The following METTL22 variants were observed in gnomAD, a reference collection of about 807,000 sequenced individuals.
The protein encoded by METTL22 is methyltransferase-like protein 22.
In METTL22, 51 loss-of-function variants were observed where a neutral mutation model predicts 48.4. That is an observed-to-expected ratio of 1.05 (90% CI 0.84 to 1.33). METTL22 has a LOEUF of 1.33. Ranked by LOEUF, METTL22 falls within the 40% of genes most tolerant of loss-of-function variation. The pLI, the probability that METTL22 is intolerant of heterozygous loss-of-function variation, is 0.00. For missense variants in METTL22, 678 were observed against 526.9 expected, an observed-to-expected ratio of 1.29 and a Z score of -2.81; for synonymous variants, 255 against 214.1, an observed-to-expected ratio of 1.19 and a Z score of -1.67.
At chr16:8,655,318 A>G in the METTL22 span, among the ~76,000 whole-genome samples, 1 of 152,206 alleles carries the variant, frequency 6.6e-6, no homozygotes, top group Non-Finnish European at 1.5e-5. Context: ...GGTTGGTGGC[A>G]GGATTCAGTT....
chr16:8,660,266 C>G, the METTL22 span, among the ~76,000 whole-genome samples: 2 of 152,030 alleles, frequency 1.3e-5, no homozygotes, highest in Non-Finnish European at 2.9e-5. Context: ...AGCCTCCGCC[C>G]TCTGGATTCA....
chr16:8,660,348 A>AT, the METTL22 span, among the ~76,000 whole-genome samples: 27 of 149,248 alleles, frequency 1.8e-4, no homozygotes, highest in Non-Finnish European at 2.4e-4. Context: ...TAATTTTTGT[A>AT]TTTTTTTTTA....
intron 5 of METTL22, among the ~76,000 whole-genome samples, chr16:8,638,609 C>G (rs572399498): frequency 6.6e-6 from 1 of 152,106 alleles, no homozygotes; most frequent in Non-Finnish European, 1.5e-5. Flanking sequence ...TCCTTCTGAC[C>G]GGAAAACTGG....
intron 9 of METTL22, 141 bp from the exon 10 acceptor site, chr16:8,644,416 C>T (rs2056718607): frequency 3.8e-6 from 3 of 784,146 alleles, no homozygotes; most frequent in Admixed American, 2.8e-5. Context: ...CACTCACACA[C>T]TCAGCATGAG....
chr16:8,651,499 G>A (rs57094936), downstream of METTL22, among the ~76,000 whole-genome samples: 2,547 of 152,030 alleles, frequency 0.017, 70 homozygotes, highest in African/African-American at 0.058. Flanking sequence ...AGAGTTTTTG[G>A]CTTGGCGGAA....
At chr16:8,646,009 T>C in intron 10 of METTL22, 99 bp from the exon 11 acceptor site, 2 of 1,562,940 alleles carry the variant, frequency 1.3e-6, no homozygotes, top group Non-Finnish European at 1.7e-6. Flanking sequence ...GCTGACGTGT[T>C]GTCTAACTAC....
At chr16:8,643,129 T>C (rs2141805496) in intron 9 of METTL22, among the ~76,000 whole-genome samples, 1 of 152,322 alleles carries the variant, frequency 6.6e-6, no homozygotes, top group African/African-American at 2.4e-5. Context: ...TTTCTGAAGA[T>C]CGTTCGGAAT....
intron 5 of METTL22, among the ~76,000 whole-genome samples, chr16:8,637,732 G>A (rs560851928): frequency 1.3e-5 from 2 of 152,226 alleles, no homozygotes; most frequent in Non-Finnish European, 2.9e-5. Flanking sequence ...GGATGCTGGG[G>A]AGAACGCACT....
intron 5 of METTL22, 120 bp downstream of exon 5, chr16:8,635,432 A>G (rs1409749401): frequency 9.4e-6 from 12 of 1,272,410 alleles, no homozygotes; most frequent in Non-Finnish European, 1.2e-5. Context: ...TGATTTTGCC[A>G]TCCTGGTCCC....
rs968717179 is a variant in METTL22 at position 8,629,116 on chromosome 16, T to C, written c.514+6T>C. The C allele has an allele frequency of 2.5e-6, 4 of 1,608,654 alleles. No individual in the cohort carries two copies. In the African/African-American group the frequency reaches 4.0e-5, roughly 16 times the overall value. ...GCACGATATCATCAGAATAGGTAAA[T>C]AGAGGTGTGATGTGGCCCACCTGTC... On this transcript the variant is annotated splice_donor_region_variant and intron_variant, in intron 3 of 10. Coordinates refer to ENST00000381920, the MANE Select transcript of METTL22 (RefSeq NM_024109.4).
chr16:8,640,882 G>GTGGGTGGT (rs2056582632), intron 6 of METTL22, among the ~76,000 whole-genome samples: 1 of 19,348 alleles, frequency 5.2e-5, no homozygotes, highest in Non-Finnish European at 9.3e-5. Flanking sequence ...GGGCAGGTGG[G>GTGGGTGGT]TGGGTGGGTG....
At chr16:8,663,256 C>G in the METTL22 span, among the ~76,000 whole-genome samples, 2 of 149,502 alleles carry the variant, frequency 1.3e-5, no homozygotes, top group African/African-American at 4.9e-5. Context: ...CATCATCTCC[C>G]TATTATTATT....
At chr16:8,636,000 G>A (rs1004721710) in intron 5 of METTL22, among the ~76,000 whole-genome samples, 5 of 152,098 alleles carry the variant, frequency 3.3e-5, no homozygotes, top group Non-Finnish European at 7.4e-5. Context: ...GTACAAGTGC[G>A]GGTTTCTGAT....
At chr16:8,643,229 A>G (rs1164560769) in intron 9 of METTL22, among the ~76,000 whole-genome samples, 2 of 152,222 alleles carry the variant, frequency 1.3e-5, no homozygotes, top group African/African-American at 2.4e-5. Context: ...ACAAAGCTGT[A>G]TGTACTTGCA....
chr16:8,644,592 G>A lies in METTL22; in HGVS notation c.1046G>A (p.Cys349Tyr). Residue 349 changes from cysteine to tyrosine, a missense_variant, in exon 10 of 11, where the codon TGT becomes TAT. Cys to Tyr is a radical substitution (Grantham distance 194). Coordinates refer to ENST00000381920, the MANE Select transcript of METTL22 (RefSeq NM_024109.4). ...ACATTGAGACACTTGGACGTCACAT[G>A]TGAAGCCTACGATCACTTCCGCTCC... ...NFTLRHLDVT[C>Y]EAYDHFRSCL... The A allele has an allele frequency of 6.3e-7, 1 of 1,594,516 alleles. No individual in the cohort carries two copies. Among genetic ancestry groups the A allele is most frequent in the Non-Finnish European group, 8.5e-7 (1 of 1,169,752 alleles).
the METTL22 span, among the ~76,000 whole-genome samples, chr16:8,659,479 G>A: frequency 6.6e-6 from 1 of 152,168 alleles, no homozygotes; most frequent in African/African-American, 2.4e-5. Context: ...TCCACATGCT[G>A]GATATTTATG....
intron 5 of METTL22, among the ~76,000 whole-genome samples, chr16:8,638,588 A>G (rs1285821662): frequency 2.6e-5 from 4 of 152,172 alleles, no homozygotes; most frequent in African/African-American, 2.4e-5. Flanking sequence ...CTGACGAATC[A>G]TAAGAAAAAA....
downstream of METTL22, among the ~76,000 whole-genome samples, chr16:8,653,524 A>G (rs117840016): frequency 1.3e-4 from 20 of 152,306 alleles, no homozygotes; most frequent in East Asian, 3.7e-3. Context: ...AGAAGAAACT[A>G]TTCTTTCATC....
At chr16:8,645,964 C>A in intron 10 of METTL22, 144 bp from the exon 11 acceptor site, 1 of 1,447,254 alleles carries the variant, frequency 6.9e-7, no homozygotes, top group Non-Finnish European at 9.1e-7. Flanking sequence ...GAGGAAGCCG[C>A]CCGTCCGCTC....
Sources: allele counts gnomAD v4.1 joint callset (sites outside exome capture counted in the v4.1 genomes callset), GRCh38; gene constraint gnomAD v4.1.1; transcripts MANE v1.5; gene names NCBI Gene and HGNC (gene_info 2026-07-23, HGNC 2026-07-21).